Variants in ZNF318 observed in about 807,000 individuals in gnomAD.
ZNF318 encodes the protein zinc finger protein 318.
A neutral mutation model predicts 124.2 loss-of-function variants in ZNF318; 51 were observed. The ratio of observed to expected loss-of-function variants is 0.41; its 90% confidence interval spans 0.33 to 0.52. The LOEUF is 0.52. Among genes scored for constraint, ZNF318 ranks in the 20% least tolerant of loss-of-function variants. The pLI, the probability that ZNF318 is intolerant of heterozygous loss-of-function variation, is 0.23. For missense variants in ZNF318, 2,815 were observed against 2,811.2 expected, an observed-to-expected ratio of 1.00 and a Z score of -0.03; for synonymous variants, 1,090 against 1,040.7, an observed-to-expected ratio of 1.05 and a Z score of -0.91.
chr6:43,349,009 G>A (rs913323110), intron 5 of ZNF318, among the ~76,000 whole-genome samples: 1 of 152,198 alleles, frequency 6.6e-6, no homozygotes, highest in Non-Finnish European at 1.5e-5. Flanking sequence ...ACTCAAGCCT[G>A]GGTGATAGTG....
At chr6:43,367,890 T>C (rs751826702) in intron 1 of ZNF318, among the ~76,000 whole-genome samples, 5 of 152,240 alleles carry the variant, frequency 3.3e-5, no homozygotes, top group Non-Finnish European at 5.9e-5. Context: ...CCGGGCATGA[T>C]GGCAGGCGCC....
intron 5 of ZNF318, among the ~76,000 whole-genome samples, chr6:43,349,088 G>A (rs1479048284): frequency 1.3e-5 from 2 of 152,156 alleles, no homozygotes; most frequent in Non-Finnish European, 2.9e-5. Context: ...ACATGGGTTG[G>A]TGTAAGTGAA....
At chr6:43,368,762 G>A in intron 1 of ZNF318, 2 of 985,450 alleles carry the variant, frequency 2.0e-6, no homozygotes, top group South Asian at 4.7e-5. Flanking sequence ...CACTCCCGAC[G>A]AGACGCCCGT....
At position 43,340,371 on chromosome 6, in the gene ZNF318, C is replaced by G; in HGVS notation, c.3627G>C (p.Lys1209Asn). 1 of 1,614,064 alleles carries G rather than the reference C, an allele frequency of 6.2e-7. No homozygotes were observed. The highest frequency in any genetic ancestry group is 8.5e-7 in the Non-Finnish European group (1 of 1,180,016). Residue 1209 changes from lysine to asparagine, a missense_variant, in exon 10 of 10, where the codon AAG becomes AAC. Physicochemically the swap from Lys to Asn is moderately conservative, Grantham distance 94. Around this residue, in one of 4 missense-constraint regions of ZNF318, gnomAD observed 500 missense variants for 605.2 expected, o/e 0.83. Transcript: ENST00000361428. ...ELKRKLSEKP[K>N]EEKKEKKAKA... ...TTGCCTTTTTTTCTTTCTTCTCCTC[C>G]TTTGGTTTCTCACTAAGTTTGCGCT...
chr6:43,363,772 C>G (rs1779719794), intron 2 of ZNF318: 3 of 666,600 alleles, frequency 4.5e-6, no homozygotes, highest in Non-Finnish European at 8.0e-6. Flanking sequence ...CCACACTGGC[C>G]AGTTGAAAAG....
chr6:43,356,287 G>A lies in ZNF318; in HGVS notation c.1189-142C>T, dbSNP rs1779608079. The A allele has an allele frequency of 1.6e-5, 14 of 899,752 alleles. 1 individual carries two copies. The South Asian group carries it at 2.6e-4, about 17-fold the overall frequency. 55.7% of individuals were successfully genotyped at this position (899,752 alleles called of 1,614,324 possible). The stretch of plus-strand genomic sequence containing the variant: ...ATAAAAGGGAGGAAAAGTATCCTTA[G>A]CCAGATTCAAAATGTGAATCCCCTT... On this transcript the variant is annotated intron_variant, in intron 3 of 9. Transcript: ENST00000361428.
At chr6:43,342,908 G>T in intron 6 of ZNF318, 29 bp from the exon 7 acceptor site, 1 of 1,578,364 alleles carries the variant, frequency 6.3e-7, no homozygotes, top group South Asian at 1.1e-5. Flanking sequence ...TACTTACAAG[G>T]AATTCAAGGC....
chr6:43,340,046 T>G lies in ZNF318; in HGVS notation c.3952A>C (p.Lys1318Gln). The G allele has an allele frequency of 6.2e-7, 1 of 1,614,168 alleles. No individual in the cohort carries two copies. Among genetic ancestry groups the G allele is most frequent in the Non-Finnish European group, 8.5e-7 (1 of 1,180,030 alleles). ...EDGKTEAGKA[K>Q]PIKIKLSGKT... is the part of the protein sequence containing the mutation. ...CCAGAGAGCTTGATTTTGATAGGCT[T>G]TGCCTTCCCAGCTTCAGTTTTGCCA... is the stretch of plus-strand genomic sequence containing the variant. The change falls in exon 10 of 10, where the codon AAG (lysine) becomes CAG (glutamine). Residue 1318 changes from lysine (K) to glutamine (Q), a missense_variant. By Grantham distance (53) the Lys-to-Gln change is moderately conservative. This residue lies in a region of ZNF318 where 500 missense variants were observed against 605.2 expected (regional missense o/e 0.83). Transcript: ENST00000361428.
intron 6 of ZNF318, among the ~76,000 whole-genome samples, chr6:43,343,442 C>G (rs970357663): frequency 3.3e-5 from 5 of 152,094 alleles, no homozygotes; most frequent in African/African-American, 1.2e-4. Flanking sequence ...GTAGACTATA[C>G]AACTACACAT....
chr6:43,369,537 A>C lies in ZNF318; in HGVS notation c.-172T>G. 1 of 290,456 alleles carries C rather than the reference A, an allele frequency of 3.4e-6. No individual in the cohort carries two copies. 18.0% of individuals were successfully genotyped at this position (290,456 alleles called of 1,614,324 possible). ...CCGCGTCGCCCCGGGGGCCCGGCCG[A>C]GCGCGCCCCCGCGGCTGGCGGTTGG... On this transcript the variant is annotated 5_prime_UTR_variant, in exon 1 of 10. Transcript: ENST00000361428.
chr6:43,358,471 C>G (rs1442032944), intron 2 of ZNF318, among the ~76,000 whole-genome samples: 1 of 139,992 alleles, frequency 7.1e-6, no homozygotes, highest in African/African-American at 2.6e-5. Context: ...ACCATGTTAG[C>G]CAGGATGGTC....
Position 43,337,156 on chromosome 6 carries a change from T to C in ZNF318, c.*2A>G. Reference sequence around the variant, plus strand: ...CTCACAAGTAGCTCTAGGTATTTATTCTTAGTTGTGAACACTGGATTCTGT... The same window carrying C: ...CTCACAAGTAGCTCTAGGTATTTATCCTTAGTTGTGAACACTGGATTCTGT... On this transcript the variant is annotated 3_prime_UTR_variant, in exon 10 of 10. Coordinates refer to ENST00000361428, the MANE Select transcript of ZNF318 (RefSeq NM_014345.3). The C allele has an allele frequency of 6.4e-7, 1 of 1,567,328 alleles. No homozygotes were observed.
chr6:43,338,853 C>T lies in ZNF318; in HGVS notation c.5145G>A (p.Glu1715=), dbSNP rs1779328675. 1.9e-5 allele frequency: 30 copies of T among 1,614,142 alleles called. No individual in the cohort carries two copies. The highest frequency in any genetic ancestry group is 2.5e-5 in the Non-Finnish European group (30 of 1,180,044). The change falls in exon 10 of 10, where the codon GAG becomes GAA. Residue 1715 remains glutamate, a synonymous_variant. Coordinates refer to ENST00000361428, the MANE Select transcript of ZNF318 (RefSeq NM_014345.3). The part of the protein sequence containing the change: ...QSDTSRDISP[E]KSELDLGEPG... ...GCTCTCCCAGGTCAAGCTCACTCTT[C>T]TCTGGAGATATATCCCTACTAGTGT...
rs770737774 is a variant in ZNF318, at chr6:43,338,553, G to A, written c.5445C>T (p.Asn1815=). 1.2e-6 allele frequency: 2 copies of A among 1,614,148 alleles called. No individual in the cohort carries two copies. Among genetic ancestry groups the A allele is most frequent in the Admixed American group, 3.3e-5 (2 of 60,028 alleles). The change falls in exon 10 of 10, where the codon AAC becomes AAT. Residue 1815 remains asparagine (N), a synonymous_variant. Coordinates refer to ENST00000361428, the MANE Select transcript of ZNF318 (RefSeq NM_014345.3). ...TTACTTCTCCCTCCCACATGTATCT[G>A]TTTCCATGGTTCAAATTAGAATCAT... The part of the protein sequence containing the change: ...SIDDSNLNHG[N]RYMWEGEVKQ...
intron 5 of ZNF318, among the ~76,000 whole-genome samples, chr6:43,351,824 AAGAT>A (rs1390188268): frequency 1.3e-5 from 2 of 151,952 alleles, no homozygotes; most frequent in Non-Finnish European, 1.5e-5. Flanking sequence ...GAGAGAGAAA[AAGAT>A]AGAGCAAGCG....
rs754311054 is a variant in ZNF318 at position 43,355,876 on chromosome 6, T to C, written c.1458A>G (p.Gly486=). 1.2e-6 allele frequency: 2 copies of C among 1,614,228 alleles called. No individual in the cohort carries two copies. The highest frequency in any genetic ancestry group is 4.5e-5 in the East Asian group (2 of 44,886). ...HKDNLDLKAE[G]PERHTDFLLP... is the part of the protein sequence containing the mutation. The stretch of plus-strand genomic sequence containing the variant: ...GCAGGAAGTCTGTGTGTCGCTCAGG[T>C]CCCTCAGCCTTCAAATCCAAATTAT... The change falls in exon 4 of 10, where the codon GGA becomes GGG. Residue 486 remains glycine (G), a synonymous_variant. Transcript: ENST00000361428.
Position 43,352,516 on chromosome 6 carries a change from A to T in ZNF318, c.2671-40T>A, listed in dbSNP as rs1452015253. 3.2e-6 allele frequency: 5 copies of T among 1,552,910 alleles called. No individual in the cohort carries two copies. In the Admixed American group the frequency reaches 5.0e-5, roughly 16 times the overall value. On this transcript the variant is annotated intron_variant, in intron 4 of 9. Coordinates refer to ENST00000361428, the MANE Select transcript of ZNF318 (RefSeq NM_014345.3). ...GTGGTAAGAGAGTCCATCTCCTCCAACATTCTCTTTTCTATTTCTCTCTTC... is the reference window on the plus strand; with the variant it reads ...GTGGTAAGAGAGTCCATCTCCTCCATCATTCTCTTTTCTATTTCTCTCTTC...
chr6:43,357,778 AG>A lies in ZNF318; in HGVS notation c.549-14del. The A allele has an allele frequency of 3.2e-6, 5 of 1,573,550 alleles. No homozygotes were observed. Among genetic ancestry groups the A allele is most frequent in the Non-Finnish European group, 4.3e-6 (5 of 1,169,584 alleles). ...AGTCAGGTCATCCCTGAGGAAAAAGAGAAGCATCATTGAACAAATGGACTTG... is the reference window on the plus strand; with the variant it reads ...AGTCAGGTCATCCCTGAGGAAAAAGAAAGCATCATTGAACAAATGGACTTG... On this transcript the variant is annotated splice_polypyrimidine_tract_variant and intron_variant, in intron 2 of 9. Transcript: ENST00000361428.
intron 1 of ZNF318, among the ~76,000 whole-genome samples, chr6:43,368,001 G>A (rs915435517): frequency 2.6e-5 from 4 of 152,126 alleles, no homozygotes; most frequent in African/African-American, 9.7e-5. Flanking sequence ...CTCCAGCCTG[G>A]GGAACAGAGT....
Sources: gnomAD v4.1 joint callset for allele counts (sites outside exome capture counted in the v4.1 genomes callset) on GRCh38, gnomAD v4.1.1 for gene constraint, gnomAD v4.1.1 regional missense constraint, MANE v1.5 for transcripts, NCBI Gene and HGNC (gene_info 2026-07-23, HGNC 2026-07-21) for gene names.